The following HCN1 variants were observed in gnomAD, a reference collection of about 807,000 sequenced individuals.
The protein encoded by HCN1 is hyperpolarization activated cyclic nucleotide gated potassium channel 1, also known as potassium/sodium hyperpolarization-activated cyclic nucleotide-gated channel 1.
In HCN1, 13 loss-of-function variants were observed where a neutral mutation model predicts 78.9. That is an observed-to-expected ratio of 0.16 (90% CI 0.11 to 0.26). The LOEUF (loss-of-function observed/expected upper bound fraction) is 0.26, where lower values mean the gene tolerates loss of function less well. HCN1 is among the 10% of genes least tolerant of loss of function. HCN1 has a pLI of 1.00. For missense variants in HCN1, 810 were observed against 1,154.3 expected (o/e 0.70, Z 4.32); for synonymous variants, 552 against 455.5 (o/e 1.21, Z -2.70).
chr5:45,540,958 T>C (rs765095045), intron 2 of HCN1, among the ~76,000 whole-genome samples: 2 of 152,176 alleles, frequency 1.3e-5, no homozygotes, highest in African/African-American at 2.4e-5. Context: ...TTTGTCTTTC[T>C]TCTATATAAT....
chr5:45,325,843 C>A (rs1402111686), intron 5 of HCN1, among the ~76,000 whole-genome samples: 3 of 151,646 alleles, frequency 2.0e-5, no homozygotes, highest in Non-Finnish European at 3.0e-5. Flanking sequence ...TTTATATTTG[C>A]ACTATAATCT....
chr5:45,549,822 C>G (rs1244292578), intron 2 of HCN1, among the ~76,000 whole-genome samples: 1 of 152,248 alleles, frequency 6.6e-6, no homozygotes, highest in Admixed American at 6.5e-5. Context: ...ACAACCCCAT[C>G]AAAAAGTGGG....
chr5:45,593,338 T>TCACACA lies in HCN1; in HGVS notation c.849+51846_849+51847insTGTGTG, dbSNP rs1491518338. ...CTCTCTCTCCCTCTCTCTCTCTCTC[T>TCACACA]CTCACACACACACACACACACACAC... On this transcript the variant is annotated intron_variant, in intron 2 of 7. Transcript: ENST00000303230. Among the ~76,000 whole-genome samples the TCACACA allele has an allele frequency of 2.6e-3, 309 of 120,160 alleles. 1 individual carries two copies. The highest frequency in any genetic ancestry group is 8.5e-3 in the African/African-American group (276 of 32,334). 78.8% of individuals were successfully genotyped at this position (120,160 alleles called of 152,430 possible). A position where few individuals can be genotyped will look rare whatever the true frequency, so the allele number is the denominator to read the frequency against.
At chr5:45,612,260 A>T (rs34889142) in intron 2 of HCN1, among the ~76,000 whole-genome samples, 1,711 of 152,212 alleles carry the variant, frequency 0.011, 20 homozygotes, top group Non-Finnish European at 0.018. Context: ...ATCATCTTTG[A>T]TTTTAAGTGT....
intron 2 of HCN1, among the ~76,000 whole-genome samples, chr5:45,571,812 G>A (rs1354033643): frequency 6.6e-6 from 1 of 152,120 alleles, no homozygotes; most frequent in Non-Finnish European, 1.5e-5. Flanking sequence ...TATTTGGGAG[G>A]CTGAGGCAGG....
At chr5:45,340,355 T>G (rs1436666069) in intron 5 of HCN1, among the ~76,000 whole-genome samples, 1 of 152,246 alleles carries the variant, frequency 6.6e-6, no homozygotes, top group Non-Finnish European at 1.5e-5. Context: ...ATTTTTATTC[T>G]CAGTTGTGCT....
chr5:45,255,347 C>T lies in HCN1; in HGVS notation c.*6574G>A, dbSNP rs2111827730. On this transcript the variant is annotated 3_prime_UTR_variant, in exon 8 of 8. Transcript: ENST00000303230. Reference sequence around the variant, plus strand: ...CACTTGGAAGTTCCCTTAAAAAGCCCTTAAAATTTACCTCCTCTAGGACTT... The same window carrying T: ...CACTTGGAAGTTCCCTTAAAAAGCCTTTAAAATTTACCTCCTCTAGGACTT... The T allele has an allele frequency of 6.6e-6, 1 of 152,290 alleles. No homozygotes were observed. Among genetic ancestry groups the T allele is most frequent in the East Asian group, 1.9e-4 (1 of 5,174 alleles). 9.4% of individuals were successfully genotyped at this position (152,290 alleles called of 1,614,324 possible).
At position 45,476,280 on chromosome 5, in the gene HCN1, T is replaced by C. The variant is rs575046532; in HGVS notation, c.850-14273A>G. On this transcript the variant is annotated intron_variant, in intron 2 of 7. Transcript: ENST00000303230. ...CTTCATCTGCTGGCATCTCATATCT[T>C]GGACTTTCCAGCCTCCAGAACTGTA... Among the ~76,000 whole-genome samples, 38 of 152,262 alleles carry C rather than the reference T, an allele frequency of 2.5e-4. No homozygotes were observed. The South Asian group carries it at 7.7e-3, about 31-fold the overall frequency.
intron 5 of HCN1, among the ~76,000 whole-genome samples, chr5:45,341,036 G>A (rs1746569031): frequency 6.6e-6 from 1 of 152,032 alleles, no homozygotes; most frequent in Non-Finnish European, 1.5e-5. Flanking sequence ...TAACTTCTTG[G>A]AATATATCCT....
At chr5:45,654,895 C>T (rs562065472) in intron 1 of HCN1, among the ~76,000 whole-genome samples, 3 of 152,242 alleles carry the variant, frequency 2.0e-5, no homozygotes, top group African/African-American at 7.2e-5. Flanking sequence ...AATCCTCCCA[C>T]CACATTGCAT....
intron 3 of HCN1, among the ~76,000 whole-genome samples, chr5:45,418,438 A>G (rs1247516884): frequency 1.3e-5 from 2 of 149,438 alleles, no homozygotes; most frequent in African/African-American, 2.4e-5. Flanking sequence ...ATCACCTATC[A>G]CAGAGCTCAT....
At chr5:45,660,147 T>C (rs1043460337) in intron 1 of HCN1, among the ~76,000 whole-genome samples, 5 of 119,128 alleles carry the variant, frequency 4.2e-5, no homozygotes, top group Admixed American at 2.5e-4. Flanking sequence ...GGGGCCAATA[T>C]TCAACATTCT....
At chr5:45,497,302 T>A (rs1742059880) in intron 2 of HCN1, among the ~76,000 whole-genome samples, 1 of 152,072 alleles carries the variant, frequency 6.6e-6, no homozygotes, top group Non-Finnish European at 1.5e-5. Flanking sequence ...GACAGTGGGG[T>A]GTTAAAGTCT....
intron 1 of HCN1, among the ~76,000 whole-genome samples, chr5:45,659,914 G>A (rs903490400): frequency 2.8e-5 from 4 of 144,282 alleles, no homozygotes; most frequent in Non-Finnish European, 6.0e-5. Flanking sequence ...CCCCAATCTA[G>A]CAAGGCAGGC....
chr5:45,452,634 T>C (rs1396150669), intron 3 of HCN1, among the ~76,000 whole-genome samples: 1 of 151,936 alleles, frequency 6.6e-6, no homozygotes, highest in Non-Finnish European at 1.5e-5. Flanking sequence ...AATGGCCCTA[T>C]GTCTAGACCC....
At chr5:45,538,805 A>C (rs1743025445) in intron 2 of HCN1, among the ~76,000 whole-genome samples, 1 of 152,228 alleles carries the variant, frequency 6.6e-6, no homozygotes, top group Non-Finnish European at 1.5e-5. Context: ...TGAAGAGCCA[A>C]AGAAAAATCA....
rs1425659097 is a variant in HCN1 at position 45,261,263 on chromosome 5, T to C, written c.*658A>G. Reference sequence around the variant, plus strand: ...AAGTCCGATAACACATGAAGACAAATATTAATTTTCCCTCAGCTTTCTGAA... The same window carrying C: ...AAGTCCGATAACACATGAAGACAAACATTAATTTTCCCTCAGCTTTCTGAA... On this transcript the variant is annotated 3_prime_UTR_variant, in exon 8 of 8. Coordinates refer to ENST00000303230, the MANE Select transcript of HCN1 (RefSeq NM_021072.4). 1 of 152,656 alleles carries C rather than the reference T, an allele frequency of 6.6e-6. No homozygotes were observed. The highest frequency in any genetic ancestry group is 2.4e-5 in the African/African-American group (1 of 41,458). 9.5% of individuals were successfully genotyped at this position (152,656 alleles called of 1,614,324 possible). A position where few individuals can be genotyped will look rare whatever the true frequency, so the allele number is the denominator to read the frequency against.
intron 5 of HCN1, among the ~76,000 whole-genome samples, chr5:45,330,484 T>C: frequency 6.6e-6 from 1 of 150,936 alleles, no homozygotes. Context: ...ATTTTACATA[T>C]ATATGTTTTC....
chr5:45,405,342 G>C (rs1388076404), intron 3 of HCN1, among the ~76,000 whole-genome samples: 3 of 152,128 alleles, frequency 2.0e-5, no homozygotes, highest in South Asian at 4.1e-4. Context: ...TAAACAGTTG[G>C]TCTTTGAACA....
Sources: gnomAD v4.1 joint callset for allele counts (sites outside exome capture counted in the v4.1 genomes callset) on GRCh38, gnomAD v4.1.1 for gene constraint, MANE v1.5 for transcripts, NCBI Gene and HGNC (gene_info 2026-07-23, HGNC 2026-07-21) for gene names.